DDX31: variants seen among roughly 807,000 people sequenced by gnomAD.
The protein encoded by DDX31 is DEAD-box helicase 31.
Under a neutral mutation model 91.3 loss-of-function variants are expected in DDX31, and 70 were observed. The observed-to-expected ratio is 0.77, with a 90% CI of 0.63 to 0.94. DDX31 has a LOEUF of 0.94. DDX31 is among the 40% of genes least tolerant of loss of function. The pLI, the probability that DDX31 is intolerant of heterozygous loss-of-function variation, is 0.00. For missense variants in DDX31, 902 were observed against 925.0 expected, an observed-to-expected ratio of 0.98 and a Z score of 0.32; for synonymous variants, 362 against 350.6, an observed-to-expected ratio of 1.03 and a Z score of -0.36.
In DDX31 at chr9:132,594,955, T is replaced by C. The variant is rs780118639; in HGVS notation, c.2152A>G (p.Thr718Ala). 6.2e-7 allele frequency: 1 copy of C among 1,614,178 alleles called. No individual in the cohort carries two copies. Among genetic ancestry groups the C allele is most frequent in the South Asian group, 1.1e-5 (1 of 91,068 alleles). ...GRPLQHSLQP[T>A]PCFGRGKTLK... ...GTTTTCCCACGGCCAAAGCAGGGTG[T>C]CGGCTGCAGACTGTGCTGCAGGGGC... The change falls in exon 20 of 20, where the codon ACA becomes GCA. Residue 718 changes from threonine (T) to alanine (A), a missense_variant. Thr to Ala is a moderately conservative substitution (Grantham distance 58). Transcript: ENST00000372159.
intron 14 of DDX31, among the ~76,000 whole-genome samples, chr9:132,634,224 T>C (rs555120432): frequency 6.6e-6 from 1 of 152,336 alleles, no homozygotes; most frequent in South Asian, 2.1e-4. Flanking sequence ...CCCCTACAAT[T>C]TTTATTTAGA....
intron 19 of DDX31, among the ~76,000 whole-genome samples, chr9:132,602,161 T>C (rs879941676): frequency 2.3e-4 from 35 of 152,238 alleles, no homozygotes; most frequent in Non-Finnish European, 1.9e-4. Flanking sequence ...TAGTGAATTC[T>C]GGCTCATTCT....
intron 16 of DDX31, among the ~76,000 whole-genome samples, chr9:132,626,116 C>G (rs939588114): frequency 6.8e-6 from 1 of 148,136 alleles, no homozygotes; most frequent in Non-Finnish European, 1.5e-5. Context: ...GCATTTTGGT[C>G]TCTTTAGTTT....
intron 1 of DDX31, among the ~76,000 whole-genome samples, chr9:132,668,069 C>T (rs1020537445): frequency 6.6e-6 from 1 of 152,174 alleles, no homozygotes; most frequent in Non-Finnish European, 1.5e-5. Context: ...AAATCCCATG[C>T]TCCCAGTGGC....
At chr9:132,654,732 G>A (rs1160399060) in intron 6 of DDX31, among the ~76,000 whole-genome samples, 1 of 152,086 alleles carries the variant, frequency 6.6e-6, no homozygotes, top group Non-Finnish European at 1.5e-5. Flanking sequence ...GATCACTTGA[G>A]GTCAGAAGTT....
chr9:132,642,985 G>A (rs1590059486), intron 13 of DDX31, among the ~76,000 whole-genome samples: 2 of 152,098 alleles, frequency 1.3e-5, no homozygotes, highest in South Asian at 4.2e-4. Flanking sequence ...CACAATGCCT[G>A]GCTAATTTTT....
chr9:132,650,161 G>T, intron 9 of DDX31, 73 bp downstream of exon 9: 1 of 1,448,508 alleles, frequency 6.9e-7, no homozygotes, highest in Non-Finnish European at 9.7e-7. Context: ...AGGTTTAGAA[G>T]GACCCAGCCT....
At chr9:132,640,022 C>A (rs1306537443) in intron 14 of DDX31, among the ~76,000 whole-genome samples, 1 of 152,212 alleles carries the variant, frequency 6.6e-6, no homozygotes, top group Non-Finnish European at 1.5e-5. Context: ...CTGTCTAGCG[C>A]CCCCAATTTG....
Position 132,618,431 on chromosome 9 carries a change from G to T in DDX31, c.1724C>A (p.Ala575Asp). 8.1e-6 allele frequency: 13 copies of T among 1,610,656 alleles called. No homozygotes were observed. The highest frequency in any genetic ancestry group is 1.0e-5 in the Non-Finnish European group (12 of 1,178,568). Residue 575 changes from alanine (A) to aspartate (D), a missense_variant, in exon 18 of 20, where the codon GCT becomes GAT. Coordinates refer to ENST00000372159, the MANE Select transcript of DDX31 (RefSeq NM_022779.9). ...GKRWGAQKSHAVGPQEIRERA... is the reference protein window; with the variant it reads ...GKRWGAQKSHDVGPQEIRERA... ...CTCTCGGATTTCCTGGGGGCCAACA[G>T]CATGGGATTTCTGAGAGGGCGACGG... is the stretch of plus-strand genomic sequence containing the variant.
chr9:132,603,382 T>C (rs1475404998), intron 19 of DDX31, among the ~76,000 whole-genome samples: 1 of 152,200 alleles, frequency 6.6e-6, no homozygotes, highest in Admixed American at 6.5e-5. Flanking sequence ...GGCTCTGACA[T>C]CATGAAGAAG....
At chr9:132,622,948 T>C (rs1832134678) in intron 17 of DDX31, among the ~76,000 whole-genome samples, 1 of 151,922 alleles carries the variant, frequency 6.6e-6, no homozygotes. Flanking sequence ...CTGGCCAAGA[T>C]GGTGAAACCC....
chr9:132,615,924 C>A (rs1432194122), intron 18 of DDX31, among the ~76,000 whole-genome samples: 1 of 152,190 alleles, frequency 6.6e-6, no homozygotes, highest in Non-Finnish European at 1.5e-5. Flanking sequence ...GCCATCAAGG[C>A]AAAAGCCAGC....
Position 132,612,236 on chromosome 9 carries a change from T to G in DDX31, c.1845A>C (p.Gln615His). ...WAKKALQSFI[Q>H]AYATYPRELK... is the part of the protein sequence containing the mutation. ...GCTCCCTGGGGTAGGTGGCGTAGGC[T>G]TGGATGAAGGACTGCAGAGCTGAAA... is the stretch of plus-strand genomic sequence containing the variant. The change falls in exon 19 of 20, where the codon CAA becomes CAC. Residue 615 changes from glutamine (Q) to histidine (H), a missense_variant. Coordinates refer to ENST00000372159, the MANE Select transcript of DDX31 (RefSeq NM_022779.9). The G allele has an allele frequency of 6.2e-7, 1 of 1,614,060 alleles. No individual in the cohort carries two copies. The highest frequency in any genetic ancestry group is 1.1e-5 in the South Asian group (1 of 91,078).
chr9:132,633,294 T>C (rs908408698), intron 14 of DDX31, among the ~76,000 whole-genome samples: 4 of 152,182 alleles, frequency 2.6e-5, no homozygotes, highest in African/African-American at 4.8e-5. Context: ...TGGCAGGGAA[T>C]TGGGTAGTAT....
intron 6 of DDX31, chr9:132,658,352 G>A (rs1834706323): frequency 1.4e-6 from 1 of 703,230 alleles, no homozygotes; most frequent in African/African-American, 1.7e-5. Flanking sequence ...GTGGATAACA[G>A]TAATACCTAT....
At chr9:132,648,024 G>A (rs895550141) in intron 11 of DDX31, among the ~76,000 whole-genome samples, 165 bp downstream of exon 11, 4 of 152,140 alleles carry the variant, frequency 2.6e-5, no homozygotes, top group Non-Finnish European at 5.9e-5. Flanking sequence ...GGGAAGTTGG[G>A]AGTGTAGAAC....
At chr9:132,640,866 T>A (rs746826505) in intron 14 of DDX31, among the ~76,000 whole-genome samples, 11 of 152,294 alleles carry the variant, frequency 7.2e-5, no homozygotes, top group South Asian at 4.1e-4. Flanking sequence ...AGACCACGGA[T>A]AAAGATGGCT....
At chr9:132,651,165 T>A (rs1281187166) in intron 7 of DDX31, 49 bp from the exon 8 acceptor site, 2 of 1,514,282 alleles carry the variant, frequency 1.3e-6, no homozygotes, top group Non-Finnish European at 1.8e-6. Flanking sequence ...CCCCCTTTTT[T>A]TTTTTTTAAA....
At chr9:132,638,969 C>T (rs761564797) in intron 14 of DDX31, among the ~76,000 whole-genome samples, 15 of 152,248 alleles carry the variant, frequency 9.9e-5, no homozygotes, top group South Asian at 4.1e-4. Context: ...CCCCATGTAA[C>T]GATTAACAGC....
Sources: gnomAD v4.1 joint callset for allele counts (sites outside exome capture counted in the v4.1 genomes callset) on GRCh38, gnomAD v4.1.1 for gene constraint, MANE v1.5 for transcripts, NCBI Gene and HGNC (gene_info 2026-07-23, HGNC 2026-07-21) for gene names.